The following MBD5 variants were observed in gnomAD, a reference collection of about 807,000 sequenced individuals.
MBD5 encodes the protein methyl-CpG-binding domain protein 5.
Under a neutral mutation model 117.3 loss-of-function variants are expected in MBD5, and 13 were observed. The observed-to-expected ratio is 0.11, with a 90% CI of 0.07 to 0.18. The LOEUF (loss-of-function observed/expected upper bound fraction) is 0.18. MBD5 is among the 10% of genes least tolerant of loss of function. MBD5 has a pLI of 1.00. For synonymous variants in MBD5, 727 were observed against 766.4 expected (o/e 0.95, Z 0.85); for missense variants, 1,879 against 2,093.8 (o/e 0.90, Z 2.00).
chr2:148,116,130 C>G (rs1405332192), intron 1 of MBD5, among the ~76,000 whole-genome samples: 1 of 152,122 alleles, frequency 6.6e-6, no homozygotes, highest in African/African-American at 2.4e-5. Flanking sequence ...AGGCATGAAC[C>G]ACTGCACCTG....
chr2:148,194,779 A>T (rs71350078), intron 2 of MBD5, among the ~76,000 whole-genome samples: 1,653 of 26,290 alleles, frequency 0.063, 20 homozygotes, highest in African/African-American at 0.2. Flanking sequence ...AAAAAAAATT[A>T]AAAAAAAAAA....
chr2:148,400,628 G>A (rs1704890649), intron 4 of MBD5, among the ~76,000 whole-genome samples: 1 of 152,134 alleles, frequency 6.6e-6, no homozygotes, highest in Non-Finnish European at 1.5e-5. Flanking sequence ...ATATGGAAAA[G>A]CTTTCAGTAA....
intron 3 of MBD5, among the ~76,000 whole-genome samples, chr2:148,302,593 A>G (rs897296373): frequency 2.0e-5 from 3 of 152,118 alleles, no homozygotes; most frequent in African/African-American, 4.8e-5. Context: ...TTATTTTTCT[A>G]TGCAGATATT....
chr2:148,186,938 C>A (rs7590052), intron 2 of MBD5, among the ~76,000 whole-genome samples: 8,039 of 152,226 alleles, frequency 0.053, 241 homozygotes, highest in African/African-American at 0.078. Context: ...TGAAGAGAGT[C>A]TTAGAAAATA....
At chr2:148,139,439 C>T (rs747808281) in intron 1 of MBD5, among the ~76,000 whole-genome samples, 1 of 152,040 alleles carries the variant, frequency 6.6e-6, no homozygotes, top group Non-Finnish European at 1.5e-5. Context: ...ATCCTGACCT[C>T]GGGTGATCTG....
intron 1 of MBD5, among the ~76,000 whole-genome samples, chr2:148,159,692 A>G (rs1243504324): frequency 6.6e-6 from 1 of 152,178 alleles, no homozygotes; most frequent in Admixed American, 6.5e-5. Flanking sequence ...TCAGGTCTGA[A>G]TTGGCAAATA....
chr2:148,021,751 G>A (rs1039388681), intron 1 of MBD5, 67 bp downstream of exon 1: 6 of 275,940 alleles, frequency 2.2e-5, no homozygotes, highest in Non-Finnish European at 3.7e-5. Flanking sequence ...GGCAACAGTA[G>A]CACCAAACCA....
At chr2:148,389,251 C>CATT (rs1704482921) in intron 4 of MBD5, among the ~76,000 whole-genome samples, 1 of 32,392 alleles carries the variant, frequency 3.1e-5, no homozygotes. Context: ...GAAAAAAAAA[C>CATT]ATATATATAT....
rs58961481 is a variant in MBD5, at chr2:148,294,501, G to GTTTTTTTTTTTTT, written c.-679-47705_-679-47693dup. 1.1e-4 allele frequency among the ~76,000 whole-genome samples: 12 copies of GTTTTTTTTTTTTT among 113,260 alleles called. 1 individual carries two copies. In the East Asian group the frequency reaches 1.1e-3, roughly 11 times the overall value. 74.3% of individuals were successfully genotyped at this position (113,260 alleles called of 152,430 possible). A position where few individuals can be genotyped will look rare whatever the true frequency, so the allele number is the denominator to read the frequency against. On this transcript the variant is annotated intron_variant, in intron 3 of 13. Coordinates refer to ENST00000642680, the MANE Select transcript of MBD5 (RefSeq NM_001378120.1). ...GGCCTCCCAAAGTGCTGGGATTACA[G>GTTTTTTTTTTTTT]TTTTTTTTTTTTTTTTTTTTGAGAT...
intron 3 of MBD5, among the ~76,000 whole-genome samples, chr2:148,304,175 T>C (rs1238735592): frequency 1.3e-5 from 2 of 152,190 alleles, no homozygotes; most frequent in African/African-American, 2.4e-5. Flanking sequence ...TTAAACAGTA[T>C]TTACTGTACC....
At chr2:148,245,151 C>T (rs1054165365) in intron 3 of MBD5, among the ~76,000 whole-genome samples, 3 of 152,086 alleles carry the variant, frequency 2.0e-5, no homozygotes, top group Admixed American at 6.6e-5. Flanking sequence ...TTTGGAAGAC[C>T]GAGGCAGGAG....
intron 1 of MBD5, among the ~76,000 whole-genome samples, chr2:148,091,488 C>A (rs533028713): frequency 6.6e-6 from 1 of 152,144 alleles, no homozygotes; most frequent in African/African-American, 2.4e-5. Flanking sequence ...GAATAGAACA[C>A]CCAGAAATAA....
intron 4 of MBD5, among the ~76,000 whole-genome samples, chr2:148,398,170 G>T (rs955091095): frequency 7.9e-5 from 12 of 152,170 alleles, no homozygotes; most frequent in African/African-American, 2.9e-4. Flanking sequence ...TATATACCCA[G>T]TAATGGGATG....
chr2:148,076,695 T>TAATTCTATTACTAGCTTCTGATA (rs1411892813), intron 1 of MBD5, among the ~76,000 whole-genome samples: 2 of 152,340 alleles, frequency 1.3e-5, no homozygotes, highest in East Asian at 3.9e-4. Flanking sequence ...GGTTAAGTGA[T>TAATTCTATTACTAGCTTCTGATA]AATTCTATTA....
chr2:148,490,771 TGTC>T (rs1432954191), intron 11 of MBD5, 177 bp downstream of exon 11: 5 of 745,332 alleles, frequency 6.7e-6, no homozygotes, highest in Non-Finnish European at 1.1e-5. Flanking sequence ...GTCAACAAAA[TGTC>T]GTATCAACAA....
intron 4 of MBD5, among the ~76,000 whole-genome samples, chr2:148,445,831 C>G (rs1706489409): frequency 6.6e-6 from 1 of 151,468 alleles, no homozygotes. Flanking sequence ...GCCATTCTAA[C>G]TGGTGTGAGA....
At chr2:148,277,256 G>A (rs1213361197) in intron 3 of MBD5, among the ~76,000 whole-genome samples, 1 of 151,930 alleles carries the variant, frequency 6.6e-6, no homozygotes, top group East Asian at 1.9e-4. Flanking sequence ...GGGTAATAGG[G>A]GAAACATTCC....
intron 1 of MBD5, among the ~76,000 whole-genome samples, chr2:148,177,888 T>G (rs190685675): frequency 3.3e-4 from 51 of 152,302 alleles, no homozygotes; most frequent in African/African-American, 1.2e-3. Context: ...GGCTTGAGAA[T>G]CTACAGTACT....
At position 148,371,552 on chromosome 2, in the gene MBD5, T is replaced by A. The variant is rs371659269; in HGVS notation, c.-557+29216T>A. On this transcript the variant is annotated intron_variant, in intron 4 of 13. Coordinates refer to ENST00000642680, the MANE Select transcript of MBD5 (RefSeq NM_001378120.1). ...AACTAGGCTATAAATATTACGTTAA[T>A]TCCAGAACTTCCAAGATTTTCTAGA... is the stretch of plus-strand genomic sequence containing the variant. Among the ~76,000 whole-genome samples, 6 of 152,296 alleles carry A rather than the reference T, an allele frequency of 3.9e-5. No homozygotes were observed. The East Asian group carries it at 1.2e-3, about 29-fold the overall frequency.
Sources: allele counts gnomAD v4.1 joint callset (sites outside exome capture counted in the v4.1 genomes callset), GRCh38; gene constraint gnomAD v4.1.1; transcripts MANE v1.5; gene names NCBI Gene and HGNC (gene_info 2026-07-23, HGNC 2026-07-21).